The following SLC1A2 variants were observed in gnomAD, a reference collection of about 807,000 sequenced individuals.
SLC1A2 encodes solute carrier family 1 member 2.
Under a neutral mutation model 48.8 loss-of-function variants are expected in SLC1A2, and 15 were observed. That is an observed-to-expected ratio of 0.31 (90% CI 0.21 to 0.47). The LOEUF is 0.47. Among genes scored for constraint, SLC1A2 ranks in the 20% least tolerant of loss-of-function variants. SLC1A2 has a pLI of 0.99. For missense variants in SLC1A2, 502 were observed against 730.5 expected, an observed-to-expected ratio of 0.69 and a Z score of 3.61; for synonymous variants, 279 against 272.6, an observed-to-expected ratio of 1.02 and a Z score of -0.23.
intron 1 of SLC1A2, chr11:35,371,097 C>G (rs1854046074): frequency 1.0e-6 from 1 of 954,320 alleles, no homozygotes; most frequent in East Asian, 1.6e-4. Context: ...GGTCCAGCAC[C>G]TGTAGGCCAG....
intron 1 of SLC1A2, among the ~76,000 whole-genome samples, chr11:35,362,445 G>A (rs11033095): frequency 0.037 from 5,650 of 152,216 alleles, 364 homozygotes; most frequent in African/African-American, 0.13. Flanking sequence ...AGCACCACCT[G>A]AGATTCCAAT....
chr11:35,318,905 C>T (rs1326472918), intron 1 of SLC1A2, among the ~76,000 whole-genome samples: 1 of 152,164 alleles, frequency 6.6e-6, no homozygotes, highest in Non-Finnish European at 1.5e-5. Flanking sequence ...AGACCTGGAA[C>T]CCAAATACAA....
intron 4 of SLC1A2, among the ~76,000 whole-genome samples, chr11:35,308,304 A>G (rs3847610): frequency 0.033 from 4,972 of 152,284 alleles, 271 homozygotes; most frequent in African/African-American, 0.11. Flanking sequence ...GATTTCAAAT[A>G]GCAAAGGCCA....
intron 6 of SLC1A2, chr11:35,299,796 A>T (rs551559267): frequency 6.6e-6 from 1 of 152,380 alleles, no homozygotes; most frequent in South Asian, 2.1e-4. Context: ...AATTTCCACG[A>T]AAGACACCTA....
At chr11:35,412,238 T>A (rs921566501) in intron 1 of SLC1A2, among the ~76,000 whole-genome samples, 1 of 152,144 alleles carries the variant, frequency 6.6e-6, no homozygotes, top group African/African-American at 2.4e-5. Context: ...AATGAGATAA[T>A]ATTCCCTAGG....
At chr11:35,355,852 T>C (rs1259575717) in intron 1 of SLC1A2, among the ~76,000 whole-genome samples, 1 of 144,498 alleles carries the variant, frequency 6.9e-6, no homozygotes, top group Non-Finnish European at 1.5e-5. Flanking sequence ...GCCACTGCAC[T>C]CCAACCTAGG....
chr11:35,362,096 T>G (rs941265977), intron 1 of SLC1A2, among the ~76,000 whole-genome samples: 4 of 152,244 alleles, frequency 2.6e-5, no homozygotes, highest in African/African-American at 9.6e-5. Flanking sequence ...AGTTCTCACC[T>G]GGTATAGGCA....
chr11:35,410,880 G>A (rs1292055526), intron 1 of SLC1A2, among the ~76,000 whole-genome samples: 6 of 152,036 alleles, frequency 3.9e-5, no homozygotes, highest in Admixed American at 6.6e-5. Flanking sequence ...AAGGATTTAC[G>A]CTGAAAGCTC....
At chr11:35,271,837 C>A (rs148652995) in intron 9 of SLC1A2, among the ~76,000 whole-genome samples, 130 of 152,212 alleles carry the variant, frequency 8.5e-4, no homozygotes, top group African/African-American at 3.1e-3. Flanking sequence ...AGCGAGACTC[C>A]ATCTTAAAAA....
chr11:35,290,539 T>A (rs1263799395), intron 7 of SLC1A2, among the ~76,000 whole-genome samples: 1 of 152,122 alleles, frequency 6.6e-6, no homozygotes, highest in African/African-American at 2.4e-5. Context: ...GGTGATAGAA[T>A]AATTGGCAAA....
Position 35,257,078 on chromosome 11 carries a change from G to T in SLC1A2, c.*3816C>A, listed in dbSNP as rs1950323988. The T allele has an allele frequency of 6.6e-6, 1 of 152,172 alleles. No homozygotes were observed. Among genetic ancestry groups the T allele is most frequent in the East Asian group, 1.9e-4 (1 of 5,202 alleles). 9.4% of individuals were successfully genotyped at this position (152,172 alleles called of 1,614,324 possible). A position where few individuals can be genotyped will look rare whatever the true frequency, so the allele number is the denominator to read the frequency against. On this transcript the variant is annotated 3_prime_UTR_variant, in exon 11 of 11. Transcript: ENST00000278379. ...ATTTGCAAAAACATGGCAGAATTGG[G>T]TTTCCTTTGGTGGACCCAGTAAATG...
Position 35,319,340 on chromosome 11 carries a change from A to G in SLC1A2, c.18-1824T>C, listed in dbSNP as rs190623729. 4.2e-3 allele frequency among the ~76,000 whole-genome samples: 637 copies of G among 152,348 alleles called. 6 individuals carry two copies. The highest frequency in any genetic ancestry group is 0.015 in the South Asian group (72 of 4,828). ...GTGGGATCTTTTTCCATTTTTAAAC[A>G]TGTCTCCAGCAAGTAATCTGAAGCT... is the stretch of plus-strand genomic sequence containing the variant. On this transcript the variant is annotated intron_variant, in intron 1 of 10. Coordinates refer to ENST00000278379, the MANE Select transcript of SLC1A2 (RefSeq NM_004171.4).
intron 1 of SLC1A2, among the ~76,000 whole-genome samples, chr11:35,369,578 G>A (rs1453200621): frequency 6.6e-6 from 1 of 152,220 alleles, no homozygotes; most frequent in Non-Finnish European, 1.5e-5. Context: ...GCTTACCAAA[G>A]CATTGTCCCA....
intron 1 of SLC1A2, among the ~76,000 whole-genome samples, chr11:35,381,640 A>G (rs1461766385): frequency 6.6e-6 from 1 of 152,064 alleles, no homozygotes; most frequent in African/African-American, 2.4e-5. Flanking sequence ...TACAAGCCAC[A>G]GCCTGTCCAC....
At chr11:35,319,022 C>T (rs534223475) in intron 1 of SLC1A2, among the ~76,000 whole-genome samples, 1 of 152,334 alleles carries the variant, frequency 6.6e-6, no homozygotes, top group African/African-American at 2.4e-5. Flanking sequence ...AAAATATAGG[C>T]TTCTTAGTCT....
At chr11:35,263,562 C>T (rs1950430901) in intron 10 of SLC1A2, among the ~76,000 whole-genome samples, 1 of 152,140 alleles carries the variant, frequency 6.6e-6, no homozygotes, top group African/African-American at 2.4e-5. Flanking sequence ...ATCTCCACGC[C>T]CACACCTTCT....
At chr11:35,420,229 ACGGTTCTCCACCCACT>A (rs1855750814), upstream of SLC1A2, among the ~76,000 whole-genome samples, 1 of 120,474 alleles carries the variant, frequency 8.3e-6, no homozygotes, top group African/African-American at 3.3e-5. Context: ...GTGGCGGGGG[ACGGTTCTCCACCCACT>A]CGGCGCTGCT....
In SLC1A2 at chr11:35,252,094, T is replaced by G. The variant is rs1478060580; in HGVS notation, c.*8800A>C. On this transcript the variant is annotated 3_prime_UTR_variant, in exon 11 of 11. Transcript: ENST00000278379. ...ACCGCATAAGCTGTACACTCACTAT[T>G]CCTGTGCTTCTAGTGCTCTAAGTTT... 1 of 152,588 alleles carries G rather than the reference T, an allele frequency of 6.6e-6. No individual in the cohort carries two copies. Among genetic ancestry groups the G allele is most frequent in the Non-Finnish European group, 1.5e-5 (1 of 68,018 alleles). 9.5% of individuals were successfully genotyped at this position (152,588 alleles called of 1,614,324 possible). A position where few individuals can be genotyped will look rare whatever the true frequency, so the allele number is the denominator to read the frequency against.
chr11:35,311,453 C>G (rs1349635144), intron 4 of SLC1A2, among the ~76,000 whole-genome samples: 1 of 152,162 alleles, frequency 6.6e-6, no homozygotes, highest in African/African-American at 2.4e-5. Context: ...AGCCACCACG[C>G]CCAGCCAGGG....
Sources: allele counts gnomAD v4.1 joint callset (sites outside exome capture counted in the v4.1 genomes callset), GRCh38; gene constraint gnomAD v4.1.1; transcripts MANE v1.5; gene names NCBI Gene and HGNC (gene_info 2026-07-23, HGNC 2026-07-21).